RELCH: variants seen among roughly 807,000 people sequenced by gnomAD.
RELCH encodes the protein RAB11-binding protein RELCH.
In RELCH, 41 loss-of-function variants were observed where a neutral mutation model predicts 150.3. The observed-to-expected ratio is 0.27, with a 90% CI of 0.21 to 0.35. The LOEUF (loss-of-function observed/expected upper bound fraction) is 0.35, where lower values mean the gene tolerates loss of function less well. Ranked by LOEUF, RELCH falls within the 10% of genes least tolerant of loss-of-function variation. The pLI is 1.00. For missense variants in RELCH, 1,092 were observed against 1,467.8 expected, an observed-to-expected ratio of 0.74 and a Z score of 4.18; for synonymous variants, 478 against 531.8, an observed-to-expected ratio of 0.90 and a Z score of 1.39.
intron 18 of RELCH, among the ~76,000 whole-genome samples, chr18:62,265,609 C>T (rs1049851392): frequency 6.6e-6 from 1 of 151,842 alleles, no homozygotes; most frequent in East Asian, 1.9e-4. Flanking sequence ...ACTATTAAAT[C>T]TATAGTTGAA....
In RELCH at chr18:62,190,434, A is replaced by G. The variant is rs1158083011; in HGVS notation, c.526+2403A>G. Among the ~76,000 whole-genome samples the G allele has an allele frequency of 3.3e-5, 5 of 152,000 alleles. No individual in the cohort carries two copies. In the East Asian group the frequency reaches 9.7e-4, roughly 29 times the overall value. On this transcript the variant is annotated intron_variant, in intron 1 of 28. Coordinates refer to ENST00000644646, the MANE Select transcript of RELCH (RefSeq NM_001346231.2). The stretch of plus-strand genomic sequence containing the variant: ...TCTACTAAAAATACAAAAATTAGCT[A>G]GGCGTGGTGGTGGGCACCTGTAATC...
At chr18:62,214,559 T>C (rs2040369256) in intron 2 of RELCH, among the ~76,000 whole-genome samples, 1 of 152,156 alleles carries the variant, frequency 6.6e-6, no homozygotes, top group Admixed American at 6.5e-5. Context: ...ATTGCTCTGA[T>C]GGAGACTCTG....
In RELCH at chr18:62,268,862, AT is replaced by A; in HGVS notation, c.2681-3del. ...TATGTTTTTTTAAATTATTTTAATA[AT>A]TTTAGATTCCTCAGCAGGAAATGGG... On this transcript the variant is annotated splice_region_variant and splice_polypyrimidine_tract_variant and intron_variant, in intron 19 of 28. Transcript: ENST00000644646. The A allele has an allele frequency of 7.1e-7, 1 of 1,417,528 alleles. No homozygotes were observed. The highest frequency in any genetic ancestry group is 9.5e-7 in the Non-Finnish European group (1 of 1,047,618). 87.8% of individuals were successfully genotyped at this position (1,417,528 alleles called of 1,614,324 possible).
Position 62,302,222 on chromosome 18 carries a change from C to A in RELCH, c.3531-3192C>A, listed in dbSNP as rs578077307. 2.0e-5 allele frequency among the ~76,000 whole-genome samples: 3 copies of A among 152,120 alleles called. 1 individual carries two copies. Among genetic ancestry groups the A allele is most frequent in the South Asian group, 2.1e-4 (1 of 4,822 alleles). On this transcript the variant is annotated intron_variant, in intron 28 of 28. Transcript: ENST00000644646. ...GATGATAAAATACAACAAAATGGAACTATAGGAAGAACTATTCTGAAGAGG... is the reference window on the plus strand; with the variant it reads ...GATGATAAAATACAACAAAATGGAAATATAGGAAGAACTATTCTGAAGAGG...
In RELCH at chr18:62,293,283, G is replaced by T. The variant is rs546875930; in HGVS notation, c.3459+1652G>T. ...TTAAGAGATTTATTTTAAGGAATTGGCTTATGCAGTTGAGGGGGCTGGCAA... is the reference window on the plus strand; with the variant it reads ...TTAAGAGATTTATTTTAAGGAATTGTCTTATGCAGTTGAGGGGGCTGGCAA... On this transcript the variant is annotated intron_variant, in intron 27 of 28. Transcript: ENST00000644646. 4.6e-5 allele frequency among the ~76,000 whole-genome samples: 7 copies of T among 152,234 alleles called. No individual in the cohort carries two copies. The East Asian group carries it at 1.4e-3, about 29-fold the overall frequency.
intron 25 of RELCH, among the ~76,000 whole-genome samples, chr18:62,284,731 T>C (rs1177523746): frequency 6.6e-6 from 1 of 152,160 alleles, no homozygotes; most frequent in Non-Finnish European, 1.5e-5. Flanking sequence ...TGGAGTGGCA[T>C]TTTGGGTATT....
At position 62,264,958 on chromosome 18, in the gene RELCH, T is replaced by C. The variant is rs908433722; in HGVS notation, c.2631+106T>C. 10 of 902,680 alleles carry C rather than the reference T, an allele frequency of 1.1e-5. No homozygotes were observed. The Admixed American group carries it at 1.5e-4, about 14-fold the overall frequency. 55.9% of individuals were successfully genotyped at this position (902,680 alleles called of 1,614,324 possible). On this transcript the variant is annotated intron_variant, in intron 18 of 28. Coordinates refer to ENST00000644646, the MANE Select transcript of RELCH (RefSeq NM_001346231.2). ...AAGCATGAACCATTCTTTTATCTAA[T>C]TCGCTTCTTTAATATCCTAGAATAC...
chr18:62,240,364 A>G (rs771315469), intron 10 of RELCH, among the ~76,000 whole-genome samples: 7 of 151,924 alleles, frequency 4.6e-5, no homozygotes, highest in Non-Finnish European at 1.0e-4. Flanking sequence ...TTAAATTTCA[A>G]AAGATTACCA....
At chr18:62,275,567 A>G in intron 22 of RELCH, 94 bp downstream of exon 22, 4 of 749,346 alleles carry the variant, frequency 5.3e-6, no homozygotes, top group South Asian at 3.0e-5. Context: ...AAGGCTTTGC[A>G]TATCATGTTA....
chr18:62,260,610 A>G (rs2043215703), intron 15 of RELCH, among the ~76,000 whole-genome samples: 1 of 151,166 alleles, frequency 6.6e-6, no homozygotes, highest in African/African-American at 2.4e-5. Context: ...GTTGAGTTTC[A>G]AGCACTCACA....
At chr18:62,240,578 T>C (rs2042099433) in intron 10 of RELCH, among the ~76,000 whole-genome samples, 1 of 151,770 alleles carries the variant, frequency 6.6e-6, no homozygotes, top group African/African-American at 2.4e-5. Context: ...CCAGCTAATT[T>C]TTGTATTTTT....
At position 62,249,745 on chromosome 18, in the gene RELCH, C is replaced by T. The variant is rs148549009; in HGVS notation, c.1734-2919C>T. Among the ~76,000 whole-genome samples the T allele has an allele frequency of 2.1e-3, 318 of 151,594 alleles. 2 individuals carry two copies. Among genetic ancestry groups the T allele is most frequent in the African/African-American group, 7.2e-3 (298 of 41,358 alleles). On this transcript the variant is annotated intron_variant, in intron 11 of 28. Coordinates refer to ENST00000644646, the MANE Select transcript of RELCH (RefSeq NM_001346231.2). ...CATCAGGGATCAACACTCAAGTCCA[C>T]GCTTTTTTTTTTCTGTAAGGTGAAA...
chr18:62,218,555 G>T (rs1003444416), intron 2 of RELCH, among the ~76,000 whole-genome samples: 1 of 151,928 alleles, frequency 6.6e-6, no homozygotes, highest in Non-Finnish European at 1.5e-5. Context: ...AAGCACTCAA[G>T]TGCCTCTAAT....
chr18:62,296,747 A>G (rs59623064), intron 27 of RELCH, among the ~76,000 whole-genome samples: 4,126 of 152,278 alleles, frequency 0.027, 188 homozygotes, highest in African/African-American at 0.093. Flanking sequence ...AGATATTGTC[A>G]AATGTTTTCT....
intron 5 of RELCH, among the ~76,000 whole-genome samples, chr18:62,225,556 T>C (rs1377388541): frequency 6.6e-6 from 1 of 152,026 alleles, no homozygotes; most frequent in African/African-American, 2.4e-5. Flanking sequence ...AAGGAAGTTA[T>C]ATGGATGGAA....
intron 2 of RELCH, among the ~76,000 whole-genome samples, chr18:62,215,962 A>G (rs1207436318): frequency 6.6e-6 from 1 of 152,184 alleles, no homozygotes; most frequent in Non-Finnish European, 1.5e-5. Context: ...TGAAGCATAC[A>G]TTTTTATATA....
chr18:62,218,998 C>T (rs2040661025), intron 2 of RELCH, among the ~76,000 whole-genome samples: 1 of 151,892 alleles, frequency 6.6e-6, no homozygotes, highest in Non-Finnish European at 1.5e-5. Flanking sequence ...ATTACTTGAT[C>T]ATATTATGCC....
chr18:62,254,444 T>C (rs1038065992), intron 12 of RELCH, among the ~76,000 whole-genome samples: 5 of 152,160 alleles, frequency 3.3e-5, no homozygotes, highest in African/African-American at 9.7e-5. Context: ...GCATTTCAAT[T>C]TTGAGACTTA....
intron 25 of RELCH, among the ~76,000 whole-genome samples, chr18:62,285,116 G>GTTTT: frequency 7.3e-6 from 1 of 137,132 alleles, no homozygotes; most frequent in Admixed American, 7.1e-5. Flanking sequence ...CTGATATACA[G>GTTTT]TTTTTTGTTT....
Sources: allele counts gnomAD v4.1 joint callset (sites outside exome capture counted in the v4.1 genomes callset), GRCh38; gene constraint gnomAD v4.1.1; transcripts MANE v1.5; gene names NCBI Gene and HGNC (gene_info 2026-07-23, HGNC 2026-07-21).